The following CFAP43 variants were observed in gnomAD, a reference collection of about 807,000 sequenced individuals.
The protein encoded by CFAP43 is cilia- and flagella-associated protein 43.
A neutral mutation model predicts 218.9 loss-of-function variants in CFAP43; 155 were observed. The ratio of observed to expected loss-of-function variants is 0.71; its 90% CI spans 0.62 to 0.81. CFAP43 has a LOEUF of 0.81. Ranked by LOEUF, CFAP43 falls within the 30% of genes least tolerant of loss-of-function variation. The pLI is 0.00. For synonymous variants in CFAP43, 645 were observed against 681.3 expected, an observed-to-expected ratio of 0.95 and a Z score of 0.83; for missense variants, 1,778 against 1,954.3, an observed-to-expected ratio of 0.91 and a Z score of 1.70.
intron 34 of CFAP43, 24 bp downstream of exon 34, chr10:104,140,818 A>G: frequency 6.4e-7 from 1 of 1,554,022 alleles, no homozygotes; most frequent in Non-Finnish European, 8.7e-7. Context: ...CTTGAATTAA[A>G]ATAAAAATAA....
intron 3 of CFAP43, among the ~76,000 whole-genome samples, chr10:104,222,203 T>G (rs968366345): frequency 3.9e-5 from 6 of 152,292 alleles, no homozygotes; most frequent in African/African-American, 1.4e-4. Flanking sequence ...CTAAATTATT[T>G]CTGGGAGTCC....
At position 104,142,343 on chromosome 10, in the gene CFAP43, C is replaced by T. The variant is rs1459170713; in HGVS notation, c.4209G>A (p.Lys1403=). The T allele has an allele frequency of 6.2e-7, 1 of 1,613,470 alleles. No homozygotes were observed. The highest frequency in any genetic ancestry group is 1.7e-5 in the Admixed American group (1 of 59,928). ...GCACCTTCTCTTCCTCCTCAACTCT[C>T]TTCTGGAGGAAAGTTGCCATTTCCA... The part of the protein sequence containing the change: ...DLLEMATFLQ[K]RVEEEEKVQQ... Residue 1403 remains lysine (K), a synonymous_variant, in exon 33 of 38, where the codon AAG becomes AAA. Coordinates refer to ENST00000357060, the MANE Select transcript of CFAP43 (RefSeq NM_025145.7).
At position 104,214,257 on chromosome 10, in the gene CFAP43, A is replaced by C; in HGVS notation, c.584+2T>G. ...TGCTACTGTTGTAACAAAGGCTCCT[A>C]CCTTGCTCTGAAACAATGCTCCTGG... On this transcript the variant is annotated splice_donor_variant, in intron 4 of 37. Transcript: ENST00000357060. LOFTEE classifies it high-confidence loss of function. 1 of 1,584,796 alleles carries C rather than the reference A, an allele frequency of 6.3e-7. No individual in the cohort carries two copies.
At chr10:104,200,670 C>CA (rs71022722) in intron 8 of CFAP43, among the ~76,000 whole-genome samples, 2,363 of 22,242 alleles carry the variant, frequency 0.11, 279 homozygotes, top group African/African-American at 0.19. Flanking sequence ...GACTCTGTCT[C>CA]AAAAAAAAAA....
chr10:104,162,801 G>A (rs900199096), intron 24 of CFAP43, among the ~76,000 whole-genome samples: 1 of 151,532 alleles, frequency 6.6e-6, no homozygotes, highest in Non-Finnish European at 1.5e-5. Flanking sequence ...TGGGAGAGAA[G>A]TTGGGCAAGA....
At chr10:104,220,630 T>C (rs182604847) in intron 3 of CFAP43, among the ~76,000 whole-genome samples, 66 of 152,262 alleles carry the variant, frequency 4.3e-4, no homozygotes, top group Admixed American at 3.4e-3. Context: ...TGATTTCTCA[T>C]ATCATGCTGG....
At chr10:104,156,822 C>T (rs1002613181) in intron 27 of CFAP43, among the ~76,000 whole-genome samples, 4 of 152,106 alleles carry the variant, frequency 2.6e-5, no homozygotes, top group Admixed American at 6.5e-5. Context: ...GACAGCAGCT[C>T]GAAACCCAGA....
At chr10:104,161,277 G>T in intron 26 of CFAP43, 115 bp from the exon 27 acceptor site, 3 of 1,164,666 alleles carry the variant, frequency 2.6e-6, no homozygotes, top group Non-Finnish European at 3.5e-6. Flanking sequence ...CTTCACATTG[G>T]CAAGGAAAAC....
chr10:104,161,729 C>T (rs2088884700), intron 26 of CFAP43, among the ~76,000 whole-genome samples: 1 of 152,108 alleles, frequency 6.6e-6, no homozygotes, highest in African/African-American at 2.4e-5. Flanking sequence ...CTCCTAGCCT[C>T]CTGCCTTGAA....
Position 104,203,759 on chromosome 10 carries a change from C to A in CFAP43, c.1008G>T (p.Met336Ile). ...YSFIIKDRSY[M>I]IEDFLEIERP... ...TTTCAATCTCAAGAAAATCCTCGAT[C>A]ATGTAACTTCTATCTTTAATAATAA... Residue 336 changes from methionine to isoleucine, a missense_variant, in exon 8 of 38, where the codon ATG becomes ATT. Transcript: ENST00000357060. The A allele has an allele frequency of 2.5e-6, 4 of 1,610,088 alleles. No homozygotes were observed. The highest frequency in any genetic ancestry group is 3.4e-6 in the Non-Finnish European group (4 of 1,178,416).
rs754369312 is a variant in CFAP43 at position 104,214,253 on chromosome 10, T to A, written c.584+6A>T. 7.6e-6 allele frequency: 12 copies of A among 1,576,326 alleles called. No individual in the cohort carries two copies. The African/African-American group carries it at 1.6e-4, about 21-fold the overall frequency. On this transcript the variant is annotated splice_donor_region_variant and intron_variant, in intron 4 of 37. Coordinates refer to ENST00000357060, the MANE Select transcript of CFAP43 (RefSeq NM_025145.7). Reference sequence around the variant, plus strand: ...ATGTTGCTACTGTTGTAACAAAGGCTCCTACCTTGCTCTGAAACAATGCTC... The same window carrying A: ...ATGTTGCTACTGTTGTAACAAAGGCACCTACCTTGCTCTGAAACAATGCTC...
intron 16 of CFAP43, among the ~76,000 whole-genome samples, chr10:104,183,540 C>T (rs1396334269): frequency 2.0e-5 from 3 of 152,090 alleles, no homozygotes; most frequent in Admixed American, 6.5e-5. Flanking sequence ...CAGGCGCCCG[C>T]CACCGCGCCC....
rs2088057347 is a variant in CFAP43 at position 104,147,949 on chromosome 10, T to C, written c.3710A>G (p.Glu1237Gly). The C allele has an allele frequency of 6.2e-7, 1 of 1,602,520 alleles. No homozygotes were observed. Among genetic ancestry groups the C allele is most frequent in the Non-Finnish European group, 8.5e-7 (1 of 1,174,200 alleles). ...NLAFSLLLDE[E>G]LSSREKFLNN... ...CAGGAATTTTTCTCTAGAGCTTAAT[T>C]CTTCATCCAACAATAAAGAAAATGC... The change falls in exon 29 of 38, where the codon GAA (glutamate) becomes GGA (glycine). Residue 1237 changes from glutamate to glycine, a missense_variant. Transcript: ENST00000357060.
chr10:104,186,264 T>A, intron 14 of CFAP43, 141 bp from the exon 15 acceptor site: 1 of 658,350 alleles, frequency 1.5e-6, no homozygotes, highest in Non-Finnish European at 2.3e-6. Context: ...TCATTGTAAA[T>A]AAATGGATAT....
Position 104,187,189 on chromosome 10 carries a change from T to C in CFAP43, c.1860+131A>G, listed in dbSNP as rs2090058153. 1 of 645,220 alleles carries C rather than the reference T, an allele frequency of 1.5e-6. No homozygotes were observed. The highest frequency in any genetic ancestry group is 2.3e-6 in the Non-Finnish European group (1 of 440,582). The allele number at this position is 645,220 out of a possible 1,614,324, so 40.0% of individuals were successfully genotyped here. ...CTATATATCTAGCTCAAGGGAATTA[T>C]ATTAATAAAATGAAGGCATTTGTTA... is the stretch of plus-strand genomic sequence containing the variant. On this transcript the variant is annotated intron_variant, in intron 14 of 37. Coordinates refer to ENST00000357060, the MANE Select transcript of CFAP43 (RefSeq NM_025145.7).
Position 104,179,082 on chromosome 10 carries a change from A to G in CFAP43, c.2407T>C (p.Phe803Leu). 1 of 1,613,464 alleles carries G rather than the reference A, an allele frequency of 6.2e-7. No individual in the cohort carries two copies. The highest frequency in any genetic ancestry group is 8.5e-7 in the Non-Finnish European group (1 of 1,179,718). Residue 803 changes from phenylalanine to leucine, a missense_variant, in exon 19 of 38, where the codon TTT becomes CTT. By Grantham distance (22) the Phe-to-Leu change is conservative (BLOSUM62 0). This residue lies in a region of CFAP43 where 1,553 missense variants were observed against 1,685.2 expected (regional missense o/e 0.92). Coordinates refer to ENST00000357060, the MANE Select transcript of CFAP43 (RefSeq NM_025145.7). ...QEAIKKEVNL[F>L]SKKRKEIKQG... Reference sequence around the variant, plus strand: ...TTTATCTCTTTCCTTTTCTTGGAAAACAGATTAACCTCCTTTTTGATGGCC... The same window carrying G: ...TTTATCTCTTTCCTTTTCTTGGAAAGCAGATTAACCTCCTTTTTGATGGCC...
intron 3 of CFAP43, among the ~76,000 whole-genome samples, chr10:104,222,693 G>A (rs1177459851): frequency 1.3e-5 from 2 of 152,162 alleles, no homozygotes; most frequent in African/African-American, 4.8e-5. Flanking sequence ...TTGGGACCGG[G>A]AGGAGATACT....
At chr10:104,174,947 C>T (rs952333925) in intron 19 of CFAP43, among the ~76,000 whole-genome samples, 103 of 151,766 alleles carry the variant, frequency 6.8e-4, no homozygotes, top group Middle Eastern at 6.8e-3. Context: ...CCCAGCTACT[C>T]GGGAGGCTGA....
chr10:104,170,631 C>G (rs1222664431), intron 20 of CFAP43, among the ~76,000 whole-genome samples: 1 of 152,104 alleles, frequency 6.6e-6, no homozygotes, highest in African/African-American at 2.4e-5. Flanking sequence ...CCAAGTGACT[C>G]TAATTCTCTA....
Sources: gnomAD v4.1 joint callset for allele counts (sites outside exome capture counted in the v4.1 genomes callset) on GRCh38, gnomAD v4.1.1 for gene constraint, gnomAD v4.1.1 regional missense constraint, MANE v1.5 for transcripts, NCBI Gene and HGNC (gene_info 2026-07-23, HGNC 2026-07-21) for gene names.